SORCS3: variants seen among roughly 807,000 people sequenced by gnomAD.
The protein encoded by SORCS3 is sortilin related VPS10 domain containing receptor 3, also known as VPS10 domain-containing receptor SorCS3.
Under a neutral mutation model 146.3 loss-of-function variants are expected in SORCS3, and 57 were observed. The ratio of observed to expected loss-of-function variants is 0.39; its 90% CI spans 0.31 to 0.49. The LOEUF (loss-of-function observed/expected upper bound fraction) is 0.49. Among genes scored for constraint, SORCS3 ranks in the 20% least tolerant of loss-of-function variants. The pLI is 0.92. For synonymous variants in SORCS3, 653 were observed against 618.5 expected (o/e 1.06, Z -0.83); for missense variants, 1,341 against 1,575.5 (o/e 0.85, Z 2.52).
At chr10:104,744,587 A>G (rs1379935602) in intron 1 of SORCS3, among the ~76,000 whole-genome samples, 4 of 152,242 alleles carry the variant, frequency 2.6e-5, no homozygotes, top group African/African-American at 9.6e-5. Context: ...AAAACAAAAT[A>G]GTTAATAAGG....
intron 1 of SORCS3, among the ~76,000 whole-genome samples, chr10:104,686,901 C>A (rs1441183886): frequency 1.3e-5 from 2 of 150,804 alleles, no homozygotes; most frequent in African/African-American, 4.9e-5. Context: ...ATCCATGCAT[C>A]CGTCTTTCCA....
rs574895037 is a variant in SORCS3 at position 104,654,327 on chromosome 10, G to A, written c.627+12373G>A. On this transcript the variant is annotated intron_variant, in intron 1 of 26. Transcript: ENST00000369701. ...TCTTTTGAGTATATAACCAGCAGCGGGATTGCTGGATTGTATGATACCTCT... is the reference window on the plus strand; with the variant it reads ...TCTTTTGAGTATATAACCAGCAGCGAGATTGCTGGATTGTATGATACCTCT... Among the ~76,000 whole-genome samples the A allele has an allele frequency of 2.0e-5, 3 of 152,238 alleles. No individual in the cohort carries two copies. In the East Asian group the frequency reaches 5.8e-4, roughly 29 times the overall value.
intron 20 of SORCS3, among the ~76,000 whole-genome samples, chr10:105,238,794 A>G (rs1295487353): frequency 2.0e-5 from 3 of 152,174 alleles, no homozygotes; most frequent in African/African-American, 7.2e-5. Flanking sequence ...TTTGAGGGAA[A>G]GTGCTTTTTT....
intron 3 of SORCS3, among the ~76,000 whole-genome samples, chr10:104,924,047 G>C (rs2019114293): frequency 6.6e-6 from 1 of 152,164 alleles, no homozygotes; most frequent in African/African-American, 2.4e-5. Context: ...ATGGATATTT[G>C]GTACTGAGAT....
chr10:104,955,120 A>G (rs1002500048), intron 3 of SORCS3, among the ~76,000 whole-genome samples: 35 of 152,174 alleles, frequency 2.3e-4, no homozygotes, highest in African/African-American at 8.2e-4. Context: ...ATCTAGTTCC[A>G]GAGCATTTTA....
intron 1 of SORCS3, among the ~76,000 whole-genome samples, chr10:104,689,911 G>A (rs540778013): frequency 6.6e-6 from 1 of 152,316 alleles, no homozygotes; most frequent in Non-Finnish European, 1.5e-5. Context: ...TGGCTAACTG[G>A]TTAATTCCAG....
At chr10:105,131,189 A>G (rs947373069) in intron 7 of SORCS3, among the ~76,000 whole-genome samples, 2 of 152,206 alleles carry the variant, frequency 1.3e-5, no homozygotes, top group African/African-American at 2.4e-5. Context: ...AAGATTTATT[A>G]TAAATAATAT....
intron 1 of SORCS3, among the ~76,000 whole-genome samples, chr10:104,706,109 CCTT>C (rs1209158017): frequency 6.6e-6 from 1 of 151,768 alleles, no homozygotes; most frequent in African/African-American, 2.4e-5. Context: ...CTTTGCCATT[CCTT>C]CTTGTTTAAG....
At chr10:104,687,854 T>C (rs958439291) in intron 1 of SORCS3, among the ~76,000 whole-genome samples, 2 of 152,096 alleles carry the variant, frequency 1.3e-5, no homozygotes, top group Non-Finnish European at 2.9e-5. Flanking sequence ...GGGGGGACAA[T>C]AATAGTACTG....
At chr10:104,731,709 T>A (rs1247253501) in intron 1 of SORCS3, among the ~76,000 whole-genome samples, 1 of 152,202 alleles carries the variant, frequency 6.6e-6, no homozygotes, top group Non-Finnish European at 1.5e-5. Flanking sequence ...TTATTGAGCC[T>A]GTGTAGATTT....
chr10:105,041,057 A>C (rs1419477567), intron 4 of SORCS3, among the ~76,000 whole-genome samples: 1 of 132,008 alleles, frequency 7.6e-6, no homozygotes, highest in Non-Finnish European at 1.6e-5. Flanking sequence ...TATAAGAAAT[A>C]TATAAATATA....
intron 5 of SORCS3, among the ~76,000 whole-genome samples, chr10:105,050,159 T>C (rs1168854325): frequency 2.6e-5 from 4 of 152,090 alleles, no homozygotes; most frequent in Non-Finnish European, 5.9e-5. Context: ...GTCTATTTAG[T>C]TAATATTTAC....
rs867639687 is a variant in SORCS3, at chr10:105,219,013, T to A, written c.2734+1891T>A. 2.0e-5 allele frequency among the ~76,000 whole-genome samples: 3 copies of A among 151,276 alleles called. No individual in the cohort carries two copies. The South Asian group carries it at 6.2e-4, about 31-fold the overall frequency. The stretch of plus-strand genomic sequence containing the variant: ...CTGGGAGACAGAGCGAGACCCCGTC[T>A]CAAAAAAAAATATATATATATCTTA... On this transcript the variant is annotated intron_variant, in intron 19 of 26. Coordinates refer to ENST00000369701, the MANE Select transcript of SORCS3 (RefSeq NM_014978.3).
chr10:105,107,311 A>C (rs2055829122), intron 7 of SORCS3, among the ~76,000 whole-genome samples: 1 of 144,916 alleles, frequency 6.9e-6, no homozygotes, highest in Admixed American at 6.8e-5. Flanking sequence ...CTTTCTATTT[A>C]GATTTTTTTT....
intron 4 of SORCS3, among the ~76,000 whole-genome samples, chr10:105,000,173 C>T (rs2055052596): frequency 6.6e-6 from 1 of 152,092 alleles, no homozygotes; most frequent in African/African-American, 2.4e-5. Flanking sequence ...ATTTAGGGTA[C>T]AGAAGAAAAC....
chr10:104,783,384 A>G (rs747852142), intron 1 of SORCS3, among the ~76,000 whole-genome samples: 2 of 152,166 alleles, frequency 1.3e-5, no homozygotes, highest in Non-Finnish European at 2.9e-5. Flanking sequence ...GAGTTTTGAT[A>G]TCTTCCAAAA....
chr10:104,862,043 T>G (rs2018409640), intron 2 of SORCS3, among the ~76,000 whole-genome samples: 1 of 152,180 alleles, frequency 6.6e-6, no homozygotes. Flanking sequence ...TCATCATAAC[T>G]AATACATCTG....
At chr10:105,118,464 A>G (rs2055908412) in intron 7 of SORCS3, among the ~76,000 whole-genome samples, 4 of 152,166 alleles carry the variant, frequency 2.6e-5, no homozygotes, top group Admixed American at 2.6e-4. Context: ...AATATAGTAA[A>G]TTGGTACTAC....
intron 13 of SORCS3, among the ~76,000 whole-genome samples, chr10:105,168,001 A>G (rs2056328345): frequency 6.6e-6 from 1 of 152,106 alleles, no homozygotes; most frequent in Non-Finnish European, 1.5e-5. Flanking sequence ...AAGGGGAAAT[A>G]TTTTCATGAA....
Sources: allele counts gnomAD v4.1 joint callset (sites outside exome capture counted in the v4.1 genomes callset), GRCh38; gene constraint gnomAD v4.1.1; transcripts MANE v1.5; gene names NCBI Gene and HGNC (gene_info 2026-07-23, HGNC 2026-07-21).